The following PTPRQ variants were observed in gnomAD, a reference collection of about 807,000 sequenced individuals.
PTPRQ encodes the protein phosphatidylinositol phosphatase PTPRQ.
Under a neutral mutation model 246.0 loss-of-function variants are expected in PTPRQ, and 199 were observed. That is an observed-to-expected ratio of 0.81 (90% CI 0.72 to 0.91). The LOEUF is 0.91. PTPRQ is among the 40% of genes least tolerant of loss of function. The probability of loss-of-function intolerance (pLI) is 0.00; values close to 1 mark genes in which losing one functional copy is unlikely to be tolerated. For synonymous variants in PTPRQ, 869 were observed against 853.2 expected (o/e 1.02, Z -0.32); for missense variants, 2,624 against 2,528.4 (o/e 1.04, Z -0.81).
At chr12:80,618,949 A>G (rs1446706289) in intron 30 of PTPRQ, among the ~76,000 whole-genome samples, 3 of 151,626 alleles carry the variant, frequency 2.0e-5, no homozygotes, top group African/African-American at 7.2e-5. Flanking sequence ...GGATGCTATC[A>G]TCTAGATGTT....
intron 26 of PTPRQ, among the ~76,000 whole-genome samples, chr12:80,598,411 T>C (rs1898039325): frequency 1.3e-5 from 2 of 151,986 alleles, no homozygotes; most frequent in South Asian, 4.1e-4. Flanking sequence ...TGTCCTGAGA[T>C]ACTCTTGCTG....
At chr12:80,620,868 T>C (rs2121133737) in intron 32 of PTPRQ, among the ~76,000 whole-genome samples, 1 of 152,006 alleles carries the variant, frequency 6.6e-6, no homozygotes, top group South Asian at 2.1e-4. Context: ...ATACCACCTT[T>C]AATATTTAGC....
At chr12:80,651,295 T>C (rs1281070160) in intron 37 of PTPRQ, among the ~76,000 whole-genome samples, 1 of 152,110 alleles carries the variant, frequency 6.6e-6, no homozygotes, top group Non-Finnish European at 1.5e-5. Context: ...TGCAGATGTG[T>C]AAAAATTGCA....
At chr12:80,574,012 C>T (rs776554065) in intron 25 of PTPRQ, among the ~76,000 whole-genome samples, 4 of 151,994 alleles carry the variant, frequency 2.6e-5, no homozygotes, top group Non-Finnish European at 5.9e-5. Context: ...TATTTAACTA[C>T]GATTGTGGGT....
rs749989619 is a variant in PTPRQ, at chr12:80,541,626, C to T, written c.3226C>T (p.Pro1076Ser). 47 of 1,548,022 alleles carry T rather than the reference C, an allele frequency of 3.0e-5. No homozygotes were observed. Among genetic ancestry groups the T allele is most frequent in the Admixed American group, 3.9e-5 (2 of 50,640 alleles). ...AACTGCAATAAATGTAAGCTGGGTC[C>T]CACCGGCTCAACCAAACGGTCTAGT... Reference protein sequence around the residue: ...SSTAINVSWVPPAQPNGLVFY... With the variant: ...SSTAINVSWVSPAQPNGLVFY... The change falls in exon 21 of 45, where the codon CCA becomes TCA. Residue 1076 changes from proline to serine, a missense_variant. By Grantham distance (74) the Pro-to-Ser change is moderately conservative (BLOSUM62 -1). Coordinates refer to ENST00000644991, the MANE Select transcript of PTPRQ (RefSeq NM_001145026.2).
intron 30 of PTPRQ, among the ~76,000 whole-genome samples, chr12:80,618,170 C>CA (rs528373294): frequency 6.6e-6 from 1 of 151,164 alleles, no homozygotes. Flanking sequence ...AGAACCGAGT[C>CA]AAAAAAATGT....
At chr12:80,600,513 T>A (rs1898107042) in intron 26 of PTPRQ, among the ~76,000 whole-genome samples, 1 of 151,734 alleles carries the variant, frequency 6.6e-6, no homozygotes, top group Non-Finnish European at 1.5e-5. Context: ...AGATACAAGC[T>A]ACCGCAGAAA....
chr12:80,505,021 T>G (rs941771229), intron 14 of PTPRQ, among the ~76,000 whole-genome samples: 1 of 151,840 alleles, frequency 6.6e-6, no homozygotes, highest in African/African-American at 2.4e-5. Flanking sequence ...CCCCTAGAAT[T>G]TTTCAGTATA....
chr12:80,480,541 A>C (rs200961797), intron 8 of PTPRQ, among the ~76,000 whole-genome samples: 123,650 of 141,184 alleles, frequency 0.88, 54,774 homozygotes, highest in Non-Finnish European at 0.93. Flanking sequence ...AACTGAAGGA[A>C]ACAGAGACAC....
intron 22 of PTPRQ, 54 bp from the exon 23 acceptor site, chr12:80,542,676 A>AT: frequency 6.6e-7 from 1 of 1,503,936 alleles, no homozygotes; most frequent in Non-Finnish European, 8.8e-7. Context: ...TCACGGTGCT[A>AT]TTTTTATGTT....
rs1349669237 is a variant in PTPRQ at position 80,679,823 on chromosome 12, A to T, written c.*800A>T. Reference sequence around the variant, plus strand: ...AGTATTTGCCCATTAGATATAGTCAACCTAATATTAACAATTCTGAAGAGT... The same window carrying T: ...AGTATTTGCCCATTAGATATAGTCATCCTAATATTAACAATTCTGAAGAGT... On this transcript the variant is annotated 3_prime_UTR_variant, in exon 45 of 45. Coordinates refer to ENST00000644991, the MANE Select transcript of PTPRQ (RefSeq NM_001145026.2). The T allele has an allele frequency of 1.3e-5, 2 of 152,014 alleles. No homozygotes were observed. Among genetic ancestry groups the T allele is most frequent in the African/African-American group, 4.8e-5 (2 of 41,444 alleles). The allele number at this position is 152,014 out of a possible 1,614,324, so 9.4% of individuals were successfully genotyped here.
intron 37 of PTPRQ, 90 bp from the exon 38 acceptor site, chr12:80,652,654 A>G: frequency 1.5e-6 from 2 of 1,310,030 alleles, no homozygotes; most frequent in Non-Finnish European, 2.0e-6. Flanking sequence ...AATTAAAAAA[A>G]AAGTTTAGGA....
intron 23 of PTPRQ, among the ~76,000 whole-genome samples, chr12:80,545,230 T>A (rs540937825): frequency 3.3e-5 from 5 of 152,138 alleles, no homozygotes; most frequent in Non-Finnish European, 7.4e-5. Context: ...GCCTTACATG[T>A]GTCTATAATC....
chr12:80,491,405 C>T (rs1364250667), intron 9 of PTPRQ, among the ~76,000 whole-genome samples: 1 of 151,946 alleles, frequency 6.6e-6, no homozygotes, highest in Non-Finnish European at 1.5e-5. Flanking sequence ...CCTGCCCTCC[C>T]TAATTTCCCT....
chr12:80,486,441 G>A, intron 9 of PTPRQ, among the ~76,000 whole-genome samples: 1 of 152,124 alleles, frequency 6.6e-6, no homozygotes, highest in Non-Finnish European at 1.5e-5. Flanking sequence ...GGAGATTGAT[G>A]TGGGGAGACA....
chr12:80,600,392 T>C (rs1898103088), intron 26 of PTPRQ, among the ~76,000 whole-genome samples: 1 of 151,766 alleles, frequency 6.6e-6, no homozygotes, highest in South Asian at 2.1e-4. Flanking sequence ...CTTTCTGAGC[T>C]GGCATACAGA....
At chr12:80,468,514 T>C (rs2120528712) in intron 6 of PTPRQ, among the ~76,000 whole-genome samples, 196 bp from the exon 7 acceptor site, 1 of 152,328 alleles carries the variant, frequency 6.6e-6, no homozygotes, top group East Asian at 1.9e-4. Context: ...AAAATAAGTT[T>C]ATCTGATGAT....
chr12:80,657,458 T>C (rs556263461), intron 38 of PTPRQ, among the ~76,000 whole-genome samples: 26 of 151,844 alleles, frequency 1.7e-4, no homozygotes, highest in Non-Finnish European at 2.7e-4. Flanking sequence ...ATATATAAAA[T>C]CTAAAAATTT....
intron 38 of PTPRQ, among the ~76,000 whole-genome samples, chr12:80,656,631 T>C (rs1314322922): frequency 6.6e-6 from 1 of 152,032 alleles, no homozygotes; most frequent in Non-Finnish European, 1.5e-5. Flanking sequence ...AAGTAATGAG[T>C]ACAGGGTATC....
Sources: allele counts gnomAD v4.1 joint callset (sites outside exome capture counted in the v4.1 genomes callset), GRCh38; gene constraint gnomAD v4.1.1; transcripts MANE v1.5; gene names NCBI Gene and HGNC (gene_info 2026-07-23, HGNC 2026-07-21).